SPOCD1: variants seen among roughly 807,000 people sequenced by gnomAD.
SPOCD1 encodes SPOC domain containing 1.
SPOCD1 carries 64 observed loss-of-function variants against 92.2 expected under a neutral mutation model. That is an observed-to-expected ratio of 0.69 (90% CI 0.57 to 0.86). SPOCD1 has a LOEUF of 0.86. Among genes scored for constraint, SPOCD1 ranks in the 40% least tolerant of loss-of-function variants. SPOCD1 has a pLI of 0.00. For synonymous variants in SPOCD1, 578 were observed against 619.3 expected (o/e 0.93, Z 0.99); for missense variants, 1,360 against 1,543.1 (o/e 0.88, Z 1.99).
chr1:31,805,631 G>A (rs926372595), intron 2 of SPOCD1, among the ~76,000 whole-genome samples: 3 of 151,902 alleles, frequency 2.0e-5, no homozygotes, highest in Non-Finnish European at 2.9e-5. Flanking sequence ...GGGAGGCTGA[G>A]GTGGGAGAAT....
intron 10 of SPOCD1, 135 bp downstream of exon 10, chr1:31,796,455 G>A: frequency 7.3e-7 from 1 of 1,370,920 alleles, no homozygotes; most frequent in Non-Finnish European, 1.0e-6. Context: ...AAGGATCGCT[G>A]TCCCCGTTTT....
rs148171178 is a variant in SPOCD1, at chr1:31,814,636, C to G, written c.698G>C (p.Arg233Pro). 6.5e-7 allele frequency: 1 copy of G among 1,535,928 alleles called. No individual in the cohort carries two copies. Among genetic ancestry groups the G allele is most frequent in the Non-Finnish European group, 8.8e-7 (1 of 1,142,062 alleles). Reference sequence around the variant, plus strand: ...TCCCACAGACAGGAGGTTGTCCCCACGAGGGCTCTGATCAAGCCACAGGAA... The same window carrying G: ...TCCCACAGACAGGAGGTTGTCCCCAGGAGGGCTCTGATCAAGCCACAGGAA... ...GDFLWLDQSP[R>P]GDNLLSVGDP... is the part of the protein sequence containing the mutation. Residue 233 changes from arginine (R) to proline (P), a missense_variant, in exon 2 of 16, where the codon CGT (arginine) becomes CCT (proline). This residue lies in a region of SPOCD1 where 606 missense variants were observed against 601.5 expected (regional missense o/e 1.01). Transcript: ENST00000360482. This position sits in a 1 kb window ranked among gnomAD's most constrained non-coding sequence, Gnocchi z 4.2.
intron 6 of SPOCD1, 99 bp from the exon 7 acceptor site, chr1:31,799,584 C>T (rs971501180): frequency 3.3e-6 from 4 of 1,205,884 alleles, no homozygotes; most frequent in Non-Finnish European, 3.6e-6. Context: ...GAGAGGGGTC[C>T]CACCCTCAAA....
At chr1:31,796,170 G>A (rs1200821947) in intron 10 of SPOCD1, 2 of 286,672 alleles carry the variant, frequency 7.0e-6, no homozygotes, top group Non-Finnish European at 1.4e-5. Flanking sequence ...GTGCCGGGTG[G>A]TTCCCTGCCT....
chr1:31,802,222 C>A (rs112225568), intron 2 of SPOCD1, among the ~76,000 whole-genome samples: 7 of 152,152 alleles, frequency 4.6e-5, no homozygotes, highest in African/African-American at 1.4e-4. Flanking sequence ...CTTCATACTA[C>A]GAATTCTATG....
chr1:31,814,062 G>A lies in SPOCD1; in HGVS notation c.1272C>T (p.Asn424=), dbSNP rs1035764880. 1.2e-6 allele frequency: 2 copies of A among 1,613,722 alleles called. No individual in the cohort carries two copies. Among genetic ancestry groups the A allele is most frequent in the Non-Finnish European group, 1.7e-6 (2 of 1,179,796 alleles). ...CACAGGGCACTGGACCTTTCTTCAG[G>A]TTCTTAGTGCCCTTGGATCTTCTCT... ...MEQRRSKGTK[N]LKKGPVPCAQ... The change falls in exon 2 of 16, where the codon AAC becomes AAT. Residue 424 remains asparagine (N), a synonymous_variant. Transcript: ENST00000360482. The surrounding 1 kb of genome is among the most constrained non-coding windows in gnomAD (Gnocchi z 4.2).
intron 1 of SPOCD1, chr1:31,815,597 C>G (rs1399036267): frequency 8.0e-6 from 3 of 377,266 alleles, no homozygotes; most frequent in African/African-American, 2.1e-5. Flanking sequence ...CAGTGGCCTC[C>G]AGGGTCTTCT....
In SPOCD1 at chr1:31,793,325, G is replaced by A. The variant is rs781197088; in HGVS notation, c.2638C>T (p.Arg880Trp). 1.4e-5 allele frequency: 23 copies of A among 1,590,722 alleles called. No individual in the cohort carries two copies. In the East Asian group the frequency reaches 2.1e-4, roughly 14 times the overall value. Residue 880 changes from arginine to tryptophan, a missense_variant, in exon 13 of 16, where the codon CGG becomes TGG. Coordinates refer to ENST00000360482, the MANE Select transcript of SPOCD1 (RefSeq NM_144569.7). ...CCCGAGACCAGCTGGGCCCTGGCCC[G>A]GAACCGCTTGATGGAGAACATGTCC... ...VLDMFSIKRF[R>W]ARAQLVSGHS...
chr1:31,794,357 C>A, intron 10 of SPOCD1, 122 bp from the exon 11 acceptor site: 1 of 587,038 alleles, frequency 1.7e-6, no homozygotes, highest in Non-Finnish European at 3.0e-6. Flanking sequence ...GTTTTATTAC[C>A]AAAATACTGT....
chr1:31,814,888 C>A lies in SPOCD1; in HGVS notation c.446G>T (p.Cys149Phe), dbSNP rs751056412. ...CTCCACTCCTGCAAGCCTCTCCCTGCAGGCCAGAGCTCTCTCTGGGAGGCC... is the reference window on the plus strand; with the variant it reads ...CTCCACTCCTGCAAGCCTCTCCCTGAAGGCCAGAGCTCTCTCTGGGAGGCC... ...SAGLPERALA[C>F]RERLAGVEEV... is the part of the protein sequence containing the mutation. Residue 149 changes from cysteine (C) to phenylalanine (F), a missense_variant, in exon 2 of 16, where the codon TGC becomes TTC. Cys to Phe is a radical substitution (Grantham distance 205). This residue lies in a region of SPOCD1 where 606 missense variants were observed against 601.5 expected (regional missense o/e 1.01). Coordinates refer to ENST00000360482, the MANE Select transcript of SPOCD1 (RefSeq NM_144569.7). This position sits in a 1 kb window ranked among gnomAD's most constrained non-coding sequence, Gnocchi z 4.2. 5 of 1,613,644 alleles carry A rather than the reference C, an allele frequency of 3.1e-6. No individual in the cohort carries two copies. The highest frequency in any genetic ancestry group is 3.4e-6 in the Non-Finnish European group (4 of 1,180,000).
intron 3 of SPOCD1, 130 bp from the exon 4 acceptor site, chr1:31,800,747 C>T (rs1264836177): frequency 5.1e-6 from 4 of 788,304 alleles, no homozygotes; most frequent in Non-Finnish European, 7.8e-6. Context: ...GGATAGAGAA[C>T]ATGCCTGTCC....
rs1441404723 is a variant in SPOCD1, at chr1:31,798,185, C to T, written c.2145+22G>A. The T allele has an allele frequency of 6.3e-7, 1 of 1,592,338 alleles. No individual in the cohort carries two copies. The highest frequency in any genetic ancestry group is 1.3e-5 in the African/African-American group (1 of 74,518). On this transcript the variant is annotated intron_variant, in intron 9 of 15. Coordinates refer to ENST00000360482, the MANE Select transcript of SPOCD1 (RefSeq NM_144569.7). This position sits in a 1 kb window ranked among gnomAD's most constrained non-coding sequence, Gnocchi z 4.1. Reference sequence around the variant, plus strand: ...TCTGCCCCTACATCCCCTCACCCATCCCGACTGGGCTCAGCACTCACCCTT... The same window carrying T: ...TCTGCCCCTACATCCCCTCACCCATTCCGACTGGGCTCAGCACTCACCCTT...
Position 31,792,372 on chromosome 1 carries a change from A to G in SPOCD1, c.2805T>C (p.His935=). 6.2e-7 allele frequency: 1 copy of G among 1,613,834 alleles called. No individual in the cohort carries two copies. Among genetic ancestry groups the G allele is most frequent in the South Asian group, 1.1e-5 (1 of 91,072 alleles). Residue 935 remains histidine, a synonymous_variant, in exon 15 of 16, where the codon CAT becomes CAC. Transcript: ENST00000360482. ...KDVCVVRLCP[H]GARDTQNCRL... is the part of the protein sequence containing the mutation. ...GGCAGTTCTGGGTGTCCCGGGCCCC[A>G]TGTGGGCACAGTCTGACCACGCAGA...
intron 3 of SPOCD1, 118 bp downstream of exon 3, chr1:31,801,546 G>T (rs1190867351): frequency 4.7e-6 from 4 of 859,412 alleles, no homozygotes; most frequent in Non-Finnish European, 7.8e-6. Flanking sequence ...AGGATCCACT[G>T]GGGGAGGGCA....
At chr1:31,799,274 C>T in intron 7 of SPOCD1, 127 bp downstream of exon 7, 1 of 801,632 alleles carries the variant, frequency 1.2e-6, no homozygotes, top group Non-Finnish European at 2.0e-6. Context: ...GGGCAAGGGA[C>T]CTGGCACAGC....
intron 15 of SPOCD1, among the ~76,000 whole-genome samples, chr1:31,791,601 T>A (rs1348546647): frequency 6.6e-6 from 1 of 152,214 alleles, no homozygotes; most frequent in Non-Finnish European, 1.5e-5. Context: ...GCTGCTTTCC[T>A]GAGCCACGCC....
Position 31,800,499 on chromosome 1 carries a change from G to A in SPOCD1, c.1544C>T (p.Pro515Leu). Reference sequence around the variant, plus strand: ...TTTCTTCCTTCTGAGCCTCTGGGCAGGTGAGGGTGAGCTGACCTCCATCAA... The same window carrying A: ...TTTCTTCCTTCTGAGCCTCTGGGCAAGTGAGGGTGAGCTGACCTCCATCAA... Reference protein sequence around the residue: ...EDLMEVSSPSPAQRLRRKKRP... With the variant: ...EDLMEVSSPSLAQRLRRKKRP... The change falls in exon 4 of 16, where the codon CCT (proline) becomes CTT (leucine). Residue 515 changes from proline (P) to leucine (L), a missense_variant. Physicochemically the swap from Pro to Leu is moderately conservative, Grantham distance 98 (BLOSUM62 -3). Around this residue, in one of 3 missense-constraint regions of SPOCD1, gnomAD observed 606 missense variants for 601.5 expected, o/e 1.01. Coordinates refer to ENST00000360482, the MANE Select transcript of SPOCD1 (RefSeq NM_144569.7). 4 of 1,612,438 alleles carry A rather than the reference G, an allele frequency of 2.5e-6. No homozygotes were observed. The highest frequency in any genetic ancestry group is 3.4e-6 in the Non-Finnish European group (4 of 1,179,290).
intron 15 of SPOCD1, 123 bp from the exon 16 acceptor site, chr1:31,791,414 C>T (rs1647585335): frequency 2.6e-6 from 2 of 756,936 alleles, no homozygotes; most frequent in South Asian, 2.5e-5. Flanking sequence ...GAAGGTGGGG[C>T]TGTCTCGGAA....
rs1395112620 is a variant in SPOCD1, at chr1:31,814,209, C to A, written c.1125G>T (p.Arg375Ser). Residue 375 changes from arginine to serine, a missense_variant, in exon 2 of 16, where the codon AGG (arginine) becomes AGT (serine). Physicochemically the swap from Arg to Ser is moderately radical, Grantham distance 110. Around this residue, in one of 3 missense-constraint regions of SPOCD1, gnomAD observed 606 missense variants for 601.5 expected, o/e 1.01. Transcript: ENST00000360482. This position sits in a 1 kb window ranked among gnomAD's most constrained non-coding sequence, Gnocchi z 4.2. ...EAKAQPASRG[R>S]LEQGLAAPAD... ...CGGGGGCAGCGAGTCCTTGCTCCAG[C>A]CTTCCCCTGGAAGCTGGCTGAGCCT... 1 of 1,576,752 alleles carries A rather than the reference C, an allele frequency of 6.3e-7. No individual in the cohort carries two copies. The highest frequency in any genetic ancestry group is 1.7e-4 in the Middle Eastern group (1 of 5,872).
Sources: allele counts gnomAD v4.1 joint callset (sites outside exome capture counted in the v4.1 genomes callset), GRCh38; gene constraint gnomAD v4.1.1; regional missense constraint gnomAD v4.1.1; non-coding constraint Gnocchi (gnomAD v3.1); transcripts MANE v1.5; gene names NCBI Gene and HGNC (gene_info 2026-07-23, HGNC 2026-07-21).